Variants in DLGAP2 observed in about 807,000 individuals in gnomAD.
The protein encoded by DLGAP2 is DLG associated protein 2, also known as disks large-associated protein 2.
DLGAP2 carries 26 observed loss-of-function variants against 100.3 expected under a neutral mutation model. The ratio of observed to expected loss-of-function variants is 0.26; its 90% CI spans 0.19 to 0.36. The LOEUF is 0.36. DLGAP2 is among the 10% of genes least tolerant of loss of function. The pLI, the probability that DLGAP2 is intolerant of heterozygous loss-of-function variation, is 1.00. For synonymous variants in DLGAP2, 886 were observed against 630.1 expected (o/e 1.41, Z -6.08); for missense variants, 1,858 against 1,453.2 (o/e 1.28, Z -4.53).
At position 1,704,476 on chromosome 8, in the gene DLGAP2, G is replaced by C. The variant is rs1411063099; in HGVS notation, c.*3070G>C. 1.3e-5 allele frequency: 2 copies of C among 152,238 alleles called. No individual in the cohort carries two copies. Among genetic ancestry groups the C allele is most frequent in the African/African-American group, 4.8e-5 (2 of 41,460 alleles). The allele number at this position is 152,238 out of a possible 1,614,324, so 9.4% of individuals were successfully genotyped here. ...AAAGGAGAATGCTGCTTGTCACCTA[G>C]AGTGCTTTCCTTGTGATGCGTCTCT... On this transcript the variant is annotated 3_prime_UTR_variant, in exon 15 of 15. Coordinates refer to ENST00000637795, the MANE Select transcript of DLGAP2 (RefSeq NM_001346810.2).
chr8:874,720 C>G (rs573193422), intron 1 of DLGAP2, among the ~76,000 whole-genome samples: 11 of 152,220 alleles, frequency 7.2e-5, no homozygotes, highest in Middle Eastern at 3.4e-3. Flanking sequence ...TTGGTGATTG[C>G]TAGGTCTAAT....
intron 3 of DLGAP2, among the ~76,000 whole-genome samples, chr8:1,339,726 A>T (rs1801376660): frequency 6.6e-6 from 1 of 152,210 alleles, no homozygotes; most frequent in African/African-American, 2.4e-5. Flanking sequence ...ACCCGGGCGC[A>T]TCAGGGCAGA....
chr8:1,255,316 C>T (rs375750244), intron 2 of DLGAP2, among the ~76,000 whole-genome samples: 21 of 81,992 alleles, frequency 2.6e-4, no homozygotes, highest in African/African-American at 1.5e-3. Context: ...TCATCCTGCC[C>T]GGGTGCTGTG....
chr8:1,018,102 C>G (rs984518261), intron 2 of DLGAP2, among the ~76,000 whole-genome samples: 15 of 150,894 alleles, frequency 9.9e-5, no homozygotes. Flanking sequence ...CCAAGACTCT[C>G]ACATGACCCC....
At chr8:924,990 A>T (rs1044808929) in intron 2 of DLGAP2, among the ~76,000 whole-genome samples, 1 of 152,028 alleles carries the variant, frequency 6.6e-6, no homozygotes, top group African/African-American at 2.4e-5. Flanking sequence ...CGTGTGGGTG[A>T]TTGCTTGCTA....
At chr8:792,181 A>C (rs904759791) in intron 1 of DLGAP2, among the ~76,000 whole-genome samples, 1 of 152,222 alleles carries the variant, frequency 6.6e-6, no homozygotes, top group Non-Finnish European at 1.5e-5. Flanking sequence ...ATTAGATATT[A>C]ATATTTATGT....
intron 2 of DLGAP2, among the ~76,000 whole-genome samples, chr8:1,163,823 T>C (rs1273211212): frequency 6.6e-6 from 1 of 152,152 alleles, no homozygotes; most frequent in Non-Finnish European, 1.5e-5. Flanking sequence ...CGGGGTGTGC[T>C]TGGGTACGGA....
intron 3 of DLGAP2, among the ~76,000 whole-genome samples, chr8:1,488,914 GCATGTCATCCCCACAGCTACCATTT>G (rs1799299078): frequency 6.6e-6 from 1 of 152,100 alleles, no homozygotes; most frequent in African/African-American, 2.4e-5. Flanking sequence ...GCAAATGCAG[GCATGTCATCCCCACAGCTACCATTT>G]CAGATCTTTT....
At chr8:1,361,129 G>A (rs1480728729) in intron 3 of DLGAP2, among the ~76,000 whole-genome samples, 1 of 152,210 alleles carries the variant, frequency 6.6e-6, no homozygotes, top group Non-Finnish European at 1.5e-5. Flanking sequence ...GATGGTCCTT[G>A]GTGGTGACTG....
At chr8:990,174 G>A (rs551063068) in intron 2 of DLGAP2, among the ~76,000 whole-genome samples, 1 of 152,098 alleles carries the variant, frequency 6.6e-6, no homozygotes, top group Admixed American at 6.5e-5. Flanking sequence ...TTGTATTAGT[G>A]GTCCATTCTT....
At chr8:1,617,897 A>G (rs763319227) in intron 6 of DLGAP2, among the ~76,000 whole-genome samples, 1 of 152,278 alleles carries the variant, frequency 6.6e-6, no homozygotes, top group Non-Finnish European at 1.5e-5. Context: ...GGAAAACAAC[A>G]GTAAAATGGT....
At chr8:1,299,279 C>T (rs553100984) in intron 3 of DLGAP2, among the ~76,000 whole-genome samples, 2 of 152,306 alleles carry the variant, frequency 1.3e-5, no homozygotes, top group African/African-American at 4.8e-5. Flanking sequence ...CCGAGGCCAC[C>T]CAGGGTGCCG....
At chr8:1,573,163 TC>T (rs1802812457) in intron 6 of DLGAP2, among the ~76,000 whole-genome samples, 2 of 127,548 alleles carry the variant, frequency 1.6e-5, no homozygotes, top group Non-Finnish European at 1.6e-5. Flanking sequence ...GGAGGGGTAA[TC>T]TGATGAGATG....
intron 2 of DLGAP2, among the ~76,000 whole-genome samples, chr8:1,011,077 A>G (rs1352296183): frequency 6.6e-6 from 1 of 151,804 alleles, no homozygotes; most frequent in Non-Finnish European, 1.5e-5. Flanking sequence ...CAGTCTACAC[A>G]GTGAGCCCTG....
At position 1,412,353 on chromosome 8, in the gene DLGAP2, C is replaced by A. The variant is rs1233438308; in HGVS notation, c.107-89013C>A. 4.6e-5 allele frequency among the ~76,000 whole-genome samples: 7 copies of A among 152,348 alleles called. No homozygotes were observed. The East Asian group carries it at 7.7e-4, about 17-fold the overall frequency. ...AGCCTCCCTGTCTCCCGGGCTCTTT[C>A]TCCTCCATCTCTCTTACAGATGTGG... On this transcript the variant is annotated intron_variant, in intron 3 of 14. Coordinates refer to ENST00000637795, the MANE Select transcript of DLGAP2 (RefSeq NM_001346810.2).
chr8:946,693 C>T (rs1799334852), intron 2 of DLGAP2, among the ~76,000 whole-genome samples: 1 of 152,192 alleles, frequency 6.6e-6, no homozygotes, highest in African/African-American at 2.4e-5. Context: ...TAGGTGGCTG[C>T]CACCGCAAAG....
intron 3 of DLGAP2, among the ~76,000 whole-genome samples, chr8:1,451,481 G>A (rs941480193): frequency 6.0e-5 from 9 of 148,966 alleles, no homozygotes; most frequent in Admixed American, 4.1e-4. Flanking sequence ...TCCCTGTCCC[G>A]CCTTGATCCT....
rs189472734 is a variant in DLGAP2, at chr8:1,479,573, G to C, written c.107-21793G>C. 2.6e-5 allele frequency among the ~76,000 whole-genome samples: 4 copies of C among 152,306 alleles called. No individual in the cohort carries two copies. The East Asian group carries it at 5.8e-4, about 22-fold the overall frequency. On this transcript the variant is annotated intron_variant, in intron 3 of 14. Coordinates refer to ENST00000637795, the MANE Select transcript of DLGAP2 (RefSeq NM_001346810.2). The stretch of plus-strand genomic sequence containing the variant: ...TCATAAGCAGAGGGGAAGGCTGTGC[G>C]TTTCATTTCCCCTGCTTATCGATTC...
chr8:949,488 G>C (rs549126196), intron 2 of DLGAP2, among the ~76,000 whole-genome samples: 1 of 152,080 alleles, frequency 6.6e-6, no homozygotes, highest in Non-Finnish European at 1.5e-5. Flanking sequence ...GCTGAAACTC[G>C]GGAAGATGCG....
Sources: gnomAD v4.1 joint callset for allele counts (sites outside exome capture counted in the v4.1 genomes callset) on GRCh38, gnomAD v4.1.1 for gene constraint, MANE v1.5 for transcripts, NCBI Gene and HGNC (gene_info 2026-07-23, HGNC 2026-07-21) for gene names.